The following SDK1 variants were observed in gnomAD, a reference collection of about 807,000 sequenced individuals.
SDK1 encodes protein sidekick-1.
In SDK1, 157 loss-of-function variants were observed where a neutral mutation model predicts 245.5. That is an observed-to-expected ratio of 0.64 (90% CI 0.56 to 0.73). SDK1 has a LOEUF of 0.73. Ranked by LOEUF, SDK1 falls within the 30% of genes least tolerant of loss-of-function variation. SDK1 has a pLI of 0.00. For synonymous variants in SDK1, 1,647 were observed against 1,278.5 expected, an observed-to-expected ratio of 1.29 and a Z score of -6.15; for missense variants, 3,583 against 3,002.3, an observed-to-expected ratio of 1.19 and a Z score of -4.52.
At chr7:4,105,169 G>A (rs1782819731) in intron 22 of SDK1, among the ~76,000 whole-genome samples, 1 of 151,930 alleles carries the variant, frequency 6.6e-6, no homozygotes, top group African/African-American at 2.4e-5. Context: ...TTTTAGCAGA[G>A]ACGGGGTTTC....
intron 1 of SDK1, among the ~76,000 whole-genome samples, chr7:3,481,565 C>A (rs62437757): frequency 0.4 from 61,132 of 152,038 alleles, 12,716 homozygotes; most frequent in South Asian, 0.61. Flanking sequence ...GAATTAGGTC[C>A]AGGTATTTAT....
chr7:3,579,043 G>A lies in SDK1; in HGVS notation c.299-40037G>A, dbSNP rs10241910. Reference sequence around the variant, plus strand: ...TTCACAATTTATGTTCCTCTGCCGCGGCTCCAGCTGGTCCCTCCATTTGGT... The same window carrying A: ...TTCACAATTTATGTTCCTCTGCCGCAGCTCCAGCTGGTCCCTCCATTTGGT... On this transcript the variant is annotated intron_variant, in intron 1 of 44. Coordinates refer to ENST00000404826, the MANE Select transcript of SDK1 (RefSeq NM_152744.4). 3.9e-3 allele frequency among the ~76,000 whole-genome samples: 588 copies of A among 151,940 alleles called. 4 individuals are homozygous for A. Among genetic ancestry groups the A allele is most frequent in the Middle Eastern group, 0.01 (3 of 294 alleles).
intron 1 of SDK1, among the ~76,000 whole-genome samples, chr7:3,591,580 G>C (rs555794939): frequency 3.3e-5 from 5 of 152,212 alleles, no homozygotes; most frequent in Admixed American, 1.3e-4. Context: ...CTCTTCCTTT[G>C]AAAGAACATG....
chr7:3,893,695 G>A (rs371565799), intron 5 of SDK1, among the ~76,000 whole-genome samples: 3 of 150,988 alleles, frequency 2.0e-5, no homozygotes, highest in East Asian at 1.9e-4. Flanking sequence ...TCCCAGCCAC[G>A]ATGGCATTCT....
rs1321064139 is a variant in SDK1 at position 4,233,169 on chromosome 7, G to A, written c.5828-86G>A. On this transcript the variant is annotated intron_variant, in intron 40 of 44. Coordinates refer to ENST00000404826, the MANE Select transcript of SDK1 (RefSeq NM_152744.4). ...GATGCCTCATCCAGGGCTGCTGCAA[G>A]CCGACCCACCAGGCAGGTGCATGGG... 103 of 1,355,582 alleles carry A rather than the reference G, an allele frequency of 7.6e-5. No individual in the cohort carries two copies. The East Asian group carries it at 2.4e-3, about 31-fold the overall frequency. 84.0% of individuals were successfully genotyped at this position (1,355,582 alleles called of 1,614,324 possible).
At chr7:3,573,640 C>G (rs947467588) in intron 1 of SDK1, among the ~76,000 whole-genome samples, 2 of 152,026 alleles carry the variant, frequency 1.3e-5, no homozygotes, top group African/African-American at 4.8e-5. Context: ...AAACAATAAT[C>G]AAATGATCTT....
intron 1 of SDK1, among the ~76,000 whole-genome samples, chr7:3,590,145 T>C (rs1283170647): frequency 2.6e-5 from 4 of 152,244 alleles, no homozygotes; most frequent in African/African-American, 7.2e-5. Context: ...GTAAAGCTTA[T>C]AGCAGGTAGC....
chr7:3,412,157 G>A (rs1779228281), intron 1 of SDK1, among the ~76,000 whole-genome samples: 1 of 152,060 alleles, frequency 6.6e-6, no homozygotes, highest in Admixed American at 6.6e-5. Flanking sequence ...TGTAAGATGT[G>A]GGCAATTAAT....
At chr7:3,412,383 C>G (rs1779234676) in intron 1 of SDK1, among the ~76,000 whole-genome samples, 1 of 152,152 alleles carries the variant, frequency 6.6e-6, no homozygotes, top group Non-Finnish European at 1.5e-5. Context: ...CCTTTTTTCT[C>G]ACTCAACATG....
intron 29 of SDK1, 120 bp downstream of exon 29, chr7:4,146,036 G>C: frequency 1.2e-6 from 1 of 843,624 alleles, no homozygotes; most frequent in East Asian, 2.7e-5. Context: ...AGAAAGAGAA[G>C]GGATGTGAGC....
chr7:3,797,372 A>G (rs78806957), intron 4 of SDK1, among the ~76,000 whole-genome samples: 2,353 of 151,898 alleles, frequency 0.015, 61 homozygotes, highest in African/African-American at 0.053. Flanking sequence ...CTCCACATAT[A>G]TAAATAAGCT....
At chr7:3,491,431 T>C (rs530613927) in intron 1 of SDK1, among the ~76,000 whole-genome samples, 1 of 152,364 alleles carries the variant, frequency 6.6e-6, no homozygotes, top group African/African-American at 2.4e-5. Context: ...GGTTTAGAGC[T>C]GTAAACAGTG....
chr7:3,343,747 T>A (rs1006537473), intron 1 of SDK1, among the ~76,000 whole-genome samples: 2 of 152,100 alleles, frequency 1.3e-5, no homozygotes, highest in African/African-American at 4.8e-5. Context: ...GACTGACTTC[T>A]ATTAGAAGAC....
chr7:3,732,197 G>C (rs558085091), intron 4 of SDK1, among the ~76,000 whole-genome samples: 11 of 152,326 alleles, frequency 7.2e-5, no homozygotes, highest in African/African-American at 2.6e-4. Flanking sequence ...GGAAGGTGTA[G>C]GGAATTGGTA....
chr7:3,827,497 G>A (rs1056166082), intron 5 of SDK1, among the ~76,000 whole-genome samples: 5 of 152,222 alleles, frequency 3.3e-5, no homozygotes, highest in African/African-American at 1.2e-4. Flanking sequence ...TTGAGAAAGT[G>A]AAAGACTCTG....
intron 1 of SDK1, among the ~76,000 whole-genome samples, chr7:3,477,832 A>G (rs1484983208): frequency 2.0e-5 from 3 of 152,062 alleles, no homozygotes; most frequent in African/African-American, 7.2e-5. Flanking sequence ...GGTTTTTTAT[A>G]TATAAAACGT....
chr7:4,145,688 C>T (rs747054598), intron 28 of SDK1, 34 bp from the exon 29 acceptor site: 25 of 1,566,936 alleles, frequency 1.6e-5, no homozygotes, highest in Middle Eastern at 3.4e-4. Flanking sequence ...GGGTGACTGG[C>T]TCAGCAGCTG....
intron 35 of SDK1, among the ~76,000 whole-genome samples, chr7:4,193,350 ATATT>A (rs1191536993): frequency 1.2e-3 from 132 of 111,464 alleles, no homozygotes; most frequent in African/African-American, 4.5e-3. Flanking sequence ...TTTATATAAT[ATATT>A]TATATATATT....
At chr7:3,948,351 G>C (rs952432059) in intron 5 of SDK1, among the ~76,000 whole-genome samples, 1 of 143,828 alleles carries the variant, frequency 7.0e-6, no homozygotes, top group African/African-American at 2.6e-5. Context: ...TCCACCTCTC[G>C]GGTTCCAGCG....
Sources: gnomAD v4.1 joint callset for allele counts (sites outside exome capture counted in the v4.1 genomes callset) on GRCh38, gnomAD v4.1.1 for gene constraint, MANE v1.5 for transcripts, NCBI Gene and HGNC (gene_info 2026-07-23, HGNC 2026-07-21) for gene names.